TTLL5: variants seen among roughly 807,000 people sequenced by gnomAD.
TTLL5 encodes the protein tubulin polyglutamylase TTLL5.
A neutral mutation model predicts 168.4 loss-of-function variants in TTLL5; 132 were observed. The observed-to-expected ratio is 0.78, with a 90% CI of 0.68 to 0.91. TTLL5 has a LOEUF of 0.91. Ranked by LOEUF, TTLL5 falls within the 40% of genes least tolerant of loss-of-function variation. TTLL5 has a pLI of 0.00. For synonymous variants in TTLL5, 546 were observed against 558.6 expected (o/e 0.98, Z 0.32); for missense variants, 1,545 against 1,581.5 (o/e 0.98, Z 0.39).
At chr14:75,734,772 T>TCATGTAACAGGATGAGACTGTTCAC (rs1888781201) in intron 14 of TTLL5, among the ~76,000 whole-genome samples, 1 of 152,208 alleles carries the variant, frequency 6.6e-6, no homozygotes, top group Non-Finnish European at 1.5e-5. Flanking sequence ...CAGAAGTAGA[T>TCATGTAACAGGATGAGACTGTTCAC]CATGTAACAG....
intron 9 of TTLL5, among the ~76,000 whole-genome samples, chr14:75,714,142 A>G (rs1717771025): frequency 6.6e-6 from 1 of 152,074 alleles, no homozygotes; most frequent in Admixed American, 6.6e-5. Flanking sequence ...GGCTTGTCTG[A>G]TATTTTCTCA....
At chr14:75,707,146 C>T (rs1886713662) in intron 8 of TTLL5, 59 bp downstream of exon 8, 1 of 1,302,302 alleles carries the variant, frequency 7.7e-7, no homozygotes, top group East Asian at 2.3e-5. Flanking sequence ...ACTTTTTAAG[C>T]TTTTCATAGC....
intron 10 of TTLL5, among the ~76,000 whole-genome samples, chr14:75,719,445 A>G (rs1887701374): frequency 6.6e-6 from 1 of 152,150 alleles, no homozygotes; most frequent in Admixed American, 6.5e-5. Context: ...TCTTTCACAC[A>G]TTGCTTTCAC....
In TTLL5 at chr14:75,779,646, C is replaced by T; in HGVS notation, c.2459C>T (p.Thr820Ile). Residue 820 changes from threonine (T) to isoleucine (I), a missense_variant, in exon 24 of 32, where the codon ACT becomes ATT. By Grantham distance (89) the Thr-to-Ile change is moderately conservative. Coordinates refer to ENST00000298832, the MANE Select transcript of TTLL5 (RefSeq NM_015072.5). ...AAGTCTGCTAGTGTCTTCCTGGGGA[C>T]TCACTCTAAAATTTCTAAGAACAAC... is the stretch of plus-strand genomic sequence containing the variant. ...KNKSASVFLG[T>I]HSKISKNNNN... 1 of 1,613,730 alleles carries T rather than the reference C, an allele frequency of 6.2e-7. No individual in the cohort carries two copies. The highest frequency in any genetic ancestry group is 8.5e-7 in the Non-Finnish European group (1 of 1,179,854).
chr14:75,691,610 A>G (rs1348674064), intron 6 of TTLL5, among the ~76,000 whole-genome samples: 1 of 152,196 alleles, frequency 6.6e-6, no homozygotes, highest in African/African-American at 2.4e-5. Context: ...TTCATTGCTA[A>G]TGGCACTGGG....
At chr14:75,839,461 GA>G (rs1713114331) in intron 28 of TTLL5, among the ~76,000 whole-genome samples, 1 of 152,132 alleles carries the variant, frequency 6.6e-6, no homozygotes, top group South Asian at 2.1e-4. Flanking sequence ...GATTTATAAA[GA>G]AAAAAGGTTT....
chr14:75,748,821 T>G (rs1309947184), intron 17 of TTLL5, among the ~76,000 whole-genome samples: 1 of 152,214 alleles, frequency 6.6e-6, no homozygotes, highest in East Asian at 1.9e-4. Context: ...ATATCTTATT[T>G]TGGTCTTGAT....
rs1185381543 is a variant in TTLL5, at chr14:75,954,883, CA to C, written c.*439del. ...AGTATGAAGCTTTATTTTCTTTGTACAAGCTTAAAATTTCAACATCATCATC... is the reference window on the plus strand; with the variant it reads ...AGTATGAAGCTTTATTTTCTTTGTACAGCTTAAAATTTCAACATCATCATC... On this transcript the variant is annotated 3_prime_UTR_variant, in exon 32 of 32. Transcript: ENST00000298832. 2 of 158,626 alleles carry C rather than the reference CA, an allele frequency of 1.3e-5. No homozygotes were observed. The highest frequency in any genetic ancestry group is 2.8e-5 in the Non-Finnish European group (2 of 72,252). The allele number at this position is 158,626 out of a possible 1,614,324, so 9.8% of individuals were successfully genotyped here. A position where few individuals can be genotyped will look rare whatever the true frequency, so the allele number is the denominator to read the frequency against.
At chr14:75,950,180 G>A (rs534285061) in intron 31 of TTLL5, among the ~76,000 whole-genome samples, 5 of 152,332 alleles carry the variant, frequency 3.3e-5, no homozygotes, top group African/African-American at 1.2e-4. Flanking sequence ...GGAAGGGATA[G>A]ATTTCAATAA....
At chr14:75,737,673 T>TC in intron 15 of TTLL5, 3 of 1,474,420 alleles carry the variant, frequency 2.0e-6, no homozygotes, top group Non-Finnish European at 2.7e-6. Flanking sequence ...GAAAGTTTTT[T>TC]AGCTTTAGTT....
At chr14:75,858,382 A>G (rs755239831) in intron 28 of TTLL5, among the ~76,000 whole-genome samples, 2 of 152,214 alleles carry the variant, frequency 1.3e-5, no homozygotes, top group Non-Finnish European at 2.9e-5. Context: ...TATCCTTCAT[A>G]AGCAGTAATA....
At chr14:75,885,791 G>T (rs566874467) in intron 30 of TTLL5, among the ~76,000 whole-genome samples, 1 of 152,150 alleles carries the variant, frequency 6.6e-6, no homozygotes, top group Non-Finnish European at 1.5e-5. Flanking sequence ...TTTAAAATGG[G>T]AATAGTAATA....
At chr14:75,705,029 C>A (rs1011224516) in intron 7 of TTLL5, among the ~76,000 whole-genome samples, 1 of 152,144 alleles carries the variant, frequency 6.6e-6, no homozygotes, top group African/African-American at 2.4e-5. Context: ...AGGAAGAGAG[C>A]TGTGATTGTT....
intron 3 of TTLL5, among the ~76,000 whole-genome samples, chr14:75,672,438 G>A (rs1035428116): frequency 1.3e-5 from 2 of 151,884 alleles, no homozygotes; most frequent in South Asian, 4.2e-4. Context: ...TAAAGATGGG[G>A]TTTCACCATG....
intron 30 of TTLL5, among the ~76,000 whole-genome samples, chr14:75,894,930 A>G (rs2140065455): frequency 6.6e-6 from 1 of 152,292 alleles, no homozygotes; most frequent in South Asian, 2.1e-4. Flanking sequence ...AAAGCTGACA[A>G]AATTATAAGG....
intron 28 of TTLL5, among the ~76,000 whole-genome samples, chr14:75,845,412 G>A (rs1386752386): frequency 6.6e-6 from 1 of 152,098 alleles, no homozygotes; most frequent in Admixed American, 6.6e-5. Flanking sequence ...GCACTTTTTA[G>A]TACTTACACA....
At chr14:75,697,613 G>T (rs1292684776) in intron 6 of TTLL5, among the ~76,000 whole-genome samples, 1 of 152,202 alleles carries the variant, frequency 6.6e-6, no homozygotes, top group Admixed American at 6.5e-5. Context: ...AAGGAGACAA[G>T]TAGTTGCTGG....
intron 31 of TTLL5, among the ~76,000 whole-genome samples, chr14:75,916,139 A>G (rs2033606209): frequency 7.1e-6 from 1 of 139,956 alleles, no homozygotes; most frequent in Non-Finnish European, 1.6e-5. Context: ...ACAGAGAGAT[A>G]GAGAGGGATG....
chr14:75,850,509 A>T (rs1027277706), intron 28 of TTLL5, among the ~76,000 whole-genome samples: 1 of 151,080 alleles, frequency 6.6e-6, no homozygotes. Context: ...TCATTGACTC[A>T]TAGTTCCCAG....
Sources: allele counts gnomAD v4.1 joint callset (sites outside exome capture counted in the v4.1 genomes callset), GRCh38; gene constraint gnomAD v4.1.1; transcripts MANE v1.5; gene names NCBI Gene and HGNC (gene_info 2026-07-23, HGNC 2026-07-21).